KCNH8: variants seen among roughly 807,000 people sequenced by gnomAD.
KCNH8 encodes the protein potassium voltage-gated channel subfamily H member 8.
Under a neutral mutation model 103.6 loss-of-function variants are expected in KCNH8, and 70 were observed. The observed-to-expected ratio is 0.68, with a 90% CI of 0.56 to 0.82. KCNH8 has a LOEUF of 0.82. Ranked by LOEUF, KCNH8 falls within the 40% of genes least tolerant of loss-of-function variation. The pLI is 0.00. For synonymous variants in KCNH8, 498 were observed against 489.4 expected (o/e 1.02, Z -0.23); for missense variants, 1,217 against 1,329.9 (o/e 0.92, Z 1.32).
At chr3:19,527,907 AC>A (rs2069093036) in intron 15 of KCNH8, among the ~76,000 whole-genome samples, 1 of 152,098 alleles carries the variant, frequency 6.6e-6, no homozygotes, top group Non-Finnish European at 1.5e-5. Flanking sequence ...ACAAAACTGT[AC>A]CACTTGGAAG....
At chr3:19,180,447 G>T (rs867315679) in intron 1 of KCNH8, among the ~76,000 whole-genome samples, 2 of 152,298 alleles carry the variant, frequency 1.3e-5, no homozygotes, top group South Asian at 4.1e-4. Context: ...CAAAATGGAA[G>T]ATTAGCTTTG....
At chr3:19,411,598 C>T (rs1165963321) in intron 7 of KCNH8, among the ~76,000 whole-genome samples, 5 of 152,060 alleles carry the variant, frequency 3.3e-5, no homozygotes, top group Middle Eastern at 6.8e-3. Flanking sequence ...TATGATTCTA[C>T]ACCTTGAAAA....
chr3:19,283,743 C>G (rs1040234165), intron 3 of KCNH8, among the ~76,000 whole-genome samples: 45 of 151,316 alleles, frequency 3.0e-4, no homozygotes, highest in African/African-American at 1.1e-3. Context: ...TAGGGAGACT[C>G]TGTCTTTACC....
chr3:19,458,154 G>A (rs760815999), intron 11 of KCNH8, among the ~76,000 whole-genome samples: 2 of 151,898 alleles, frequency 1.3e-5, no homozygotes, highest in African/African-American at 2.4e-5. Flanking sequence ...CTTGCAGGTG[G>A]CTGGGTCAGA....
At chr3:19,474,151 G>A (rs2067920705) in intron 11 of KCNH8, among the ~76,000 whole-genome samples, 2 of 152,068 alleles carry the variant, frequency 1.3e-5, no homozygotes, top group Non-Finnish European at 2.9e-5. Flanking sequence ...TTAGTGCATG[G>A]TATGATTAAA....
intron 1 of KCNH8, among the ~76,000 whole-genome samples, chr3:19,228,410 G>T (rs752895647): frequency 6.6e-6 from 1 of 151,990 alleles, no homozygotes; most frequent in African/African-American, 2.4e-5. Flanking sequence ...TCACAAGCTC[G>T]TGCCAGGCTT....
At chr3:19,408,196 A>G (rs369136180) in intron 7 of KCNH8, among the ~76,000 whole-genome samples, 13 of 152,206 alleles carry the variant, frequency 8.5e-5, no homozygotes, top group East Asian at 5.8e-4. Flanking sequence ...TGCACAGCCC[A>G]ATTTAAAACC....
intron 8 of KCNH8, among the ~76,000 whole-genome samples, chr3:19,445,576 A>G (rs1463796237): frequency 6.6e-6 from 1 of 151,978 alleles, no homozygotes; most frequent in Non-Finnish European, 1.5e-5. Flanking sequence ...ATAGTGAGCT[A>G]AGTTCTTGCC....
At chr3:19,190,499 C>T (rs1193279078) in intron 1 of KCNH8, among the ~76,000 whole-genome samples, 3 of 151,830 alleles carry the variant, frequency 2.0e-5, no homozygotes, top group African/African-American at 7.3e-5. Context: ...GAAATTAATT[C>T]GACTGTTGAT....
rs74319664 is a variant in KCNH8, at chr3:19,379,756, G to A, written c.812-10725G>A. On this transcript the variant is annotated intron_variant, in intron 5 of 15. Transcript: ENST00000328405. ...ATCACATTTGCATTACTCAATTTTT[G>A]GAGCTATGCCTCAGAAAACAATTCC... Among the ~76,000 whole-genome samples, 577 of 152,232 alleles carry A rather than the reference G, an allele frequency of 3.8e-3. 7 individuals carry two copies. The highest frequency in any genetic ancestry group is 0.013 in the African/African-American group (544 of 41,530).
intron 7 of KCNH8, among the ~76,000 whole-genome samples, chr3:19,424,407 C>T (rs2066995137): frequency 6.6e-6 from 1 of 152,060 alleles, no homozygotes; most frequent in Non-Finnish European, 1.5e-5. Flanking sequence ...TGGCAAGCCA[C>T]ATGTGGAAGA....
At chr3:19,482,632 G>C (rs1195718104) in intron 11 of KCNH8, among the ~76,000 whole-genome samples, 1 of 152,096 alleles carries the variant, frequency 6.6e-6, no homozygotes, top group Non-Finnish European at 1.5e-5. Flanking sequence ...TTCTCCTAGC[G>C]CTGGGAGCCA....
At chr3:19,419,915 T>G (rs1230092926) in intron 7 of KCNH8, among the ~76,000 whole-genome samples, 1 of 152,190 alleles carries the variant, frequency 6.6e-6, no homozygotes, top group South Asian at 2.1e-4. Context: ...TACTTAAAAT[T>G]TGCCTTTGGC....
intron 12 of KCNH8, among the ~76,000 whole-genome samples, chr3:19,511,726 T>G (rs150102618): frequency 6.6e-6 from 1 of 152,186 alleles, no homozygotes; most frequent in Non-Finnish European, 1.5e-5. Flanking sequence ...TAACCATACG[T>G]ATTTGGAAAG....
chr3:19,458,122 C>G (rs961070348), intron 11 of KCNH8, among the ~76,000 whole-genome samples: 1 of 151,988 alleles, frequency 6.6e-6, no homozygotes, highest in Non-Finnish European at 1.5e-5. Flanking sequence ...ATGGTTAAAT[C>G]ACGTGTGTAT....
chr3:19,478,729 C>T (rs1231936470), intron 11 of KCNH8, among the ~76,000 whole-genome samples: 6 of 152,016 alleles, frequency 3.9e-5, no homozygotes, highest in African/African-American at 1.4e-4. Flanking sequence ...AATGAACGTT[C>T]CCAAAATTTG....
At chr3:19,263,375 C>T (rs921825882) in intron 2 of KCNH8, among the ~76,000 whole-genome samples, 4 of 152,058 alleles carry the variant, frequency 2.6e-5, no homozygotes, top group Admixed American at 1.3e-4. Context: ...CTATATCTTA[C>T]AATTTTGTGG....
At chr3:19,294,900 G>C (rs2064975825) in intron 3 of KCNH8, among the ~76,000 whole-genome samples, 1 of 152,130 alleles carries the variant, frequency 6.6e-6, no homozygotes, top group South Asian at 2.1e-4. Context: ...CATTCGTTCT[G>C]ATGGTGAGTA....
chr3:19,493,428 C>A (rs2068369431), intron 11 of KCNH8, among the ~76,000 whole-genome samples: 1 of 152,024 alleles, frequency 6.6e-6, no homozygotes, highest in South Asian at 2.1e-4. Flanking sequence ...TGAATTAGAT[C>A]TGATTGTTTT....
Sources: gnomAD v4.1 joint callset for allele counts (sites outside exome capture counted in the v4.1 genomes callset) on GRCh38, gnomAD v4.1.1 for gene constraint, MANE v1.5 for transcripts, NCBI Gene and HGNC (gene_info 2026-07-23, HGNC 2026-07-21) for gene names.